Variants in MPND observed in about 807,000 individuals in gnomAD.
MPND encodes MPN domain containing.
A neutral mutation model predicts 59.2 loss-of-function variants in MPND; 56 were observed. The observed-to-expected ratio is 0.95, with a 90% CI of 0.76 to 1.18. The LOEUF (loss-of-function observed/expected upper bound fraction) is 1.18. MPND is among the 50% of genes most tolerant of loss of function. The pLI, the probability that MPND is intolerant of heterozygous loss-of-function variation, is 0.00. For synonymous variants in MPND, 323 were observed against 291.9 expected (o/e 1.11, Z -1.09); for missense variants, 671 against 676.0 (o/e 0.99, Z 0.08).
At position 4,354,374 on chromosome 19, in the gene MPND, T is replaced by C. The variant is rs2144831808; in HGVS notation, c.800T>C (p.Phe267Ser). The C allele has an allele frequency of 6.4e-7, 1 of 1,562,388 alleles. No homozygotes were observed. The highest frequency in any genetic ancestry group is 8.7e-7 in the Non-Finnish European group (1 of 1,151,906). ...ACATCCTTTGCAGCCATCAACAAGT[T>C]CCAGCCGTTCAACGTGGCTGTTTCT... is the stretch of plus-strand genomic sequence containing the variant. Reference protein sequence around the residue: ...EVTSFAAINKFQPFNVAVSSN... With the variant: ...EVTSFAAINKSQPFNVAVSSN... The change falls in exon 6 of 13, where the codon TTC becomes TCC. Residue 267 changes from phenylalanine (F) to serine (S), a missense_variant. Coordinates refer to ENST00000599840, the MANE Select transcript of MPND (RefSeq NM_001300862.2).
chr19:4,354,253 G>A (rs995000203), intron 5 of MPND, 71 bp from the exon 6 acceptor site: 4 of 1,501,194 alleles, frequency 2.7e-6, no homozygotes, highest in African/African-American at 2.8e-5. Context: ...GTGGGGTTGG[G>A]GGAGTCAGTG....
At position 4,345,908 on chromosome 19, in the gene MPND, A is replaced by G. The variant is rs1332174352; in HGVS notation, c.458A>G (p.Gln153Arg). The G allele has an allele frequency of 1.9e-6, 3 of 1,613,908 alleles. No homozygotes were observed. Among genetic ancestry groups the G allele is most frequent in the Middle Eastern group, 1.6e-4 (1 of 6,062 alleles). ...CGWASVKYKG[Q>R]KLDKYKATWL... is the part of the protein sequence containing the mutation. ...TGGGCCTCTGTCAAGTACAAAGGCC[A>G]GAAACTGGACAAGTACAAGGCCACC... is the stretch of plus-strand genomic sequence containing the variant. The change falls in exon 3 of 13, where the codon CAG becomes CGG. Residue 153 changes from glutamine to arginine, a missense_variant. Physicochemically the swap from Gln to Arg is conservative, Grantham distance 43. Coordinates refer to ENST00000599840, the MANE Select transcript of MPND (RefSeq NM_001300862.2).
rs188891878 is a variant in MPND, at chr19:4,354,016, G to A, written c.665-29G>A. ...AATTTGTTCTAACTTGGGCTGGGGA[G>A]GGACTGACCCTGCCTTTTTCTCTCC... is the stretch of plus-strand genomic sequence containing the variant. On this transcript the variant is annotated intron_variant, in intron 4 of 12. Transcript: ENST00000599840. 4 of 1,599,720 alleles carry A rather than the reference G, an allele frequency of 2.5e-6. No individual in the cohort carries two copies. The Admixed American group carries it at 5.0e-5, about 20-fold the overall frequency.
chr19:4,347,209 C>G (rs1374465419), intron 3 of MPND: 1 of 150,562 alleles, frequency 6.6e-6, no homozygotes, highest in African/African-American at 2.4e-5. Flanking sequence ...CCTGTAGTAT[C>G]AAGAGTAATG....
At chr19:4,347,626 C>T (rs1486369963) in intron 3 of MPND, among the ~76,000 whole-genome samples, 1 of 151,994 alleles carries the variant, frequency 6.6e-6, no homozygotes, top group Non-Finnish European at 1.5e-5. Flanking sequence ...AAAAGCAGAC[C>T]ACAAATGGTT....
At chr19:4,359,086 A>C in intron 11 of MPND, 77 bp from the exon 12 acceptor site, 1 of 964,162 alleles carries the variant, frequency 1.0e-6, no homozygotes, top group Non-Finnish European at 1.7e-6. Context: ...GCTGCCTGAG[A>C]CTGGAACCCC....
chr19:4,344,242 G>A (rs1972136470), intron 2 of MPND, among the ~76,000 whole-genome samples: 1 of 151,072 alleles, frequency 6.6e-6, no homozygotes, highest in African/African-American at 2.4e-5. Context: ...TGCAGGAAGA[G>A]CCCCGACATG....
intron 10 of MPND, 57 bp from the exon 11 acceptor site, chr19:4,358,026 A>T (rs1972483410): frequency 1.4e-6 from 2 of 1,439,034 alleles, no homozygotes; most frequent in South Asian, 2.4e-5. Context: ...AATTGTCCCC[A>T]GCTGCCATGG....
intron 6 of MPND, 189 bp downstream of exon 6, chr19:4,354,609 A>G (rs10406751): frequency 0.59 from 362,236 of 614,422 alleles, 108,890 homozygotes; most frequent in East Asian, 0.74. Context: ...GCTCACACCT[A>G]TAATCCCAGC....
At chr19:4,345,117 G>A (rs1404582601) in intron 2 of MPND, among the ~76,000 whole-genome samples, 9 of 140,378 alleles carry the variant, frequency 6.4e-5, no homozygotes, top group African/African-American at 2.4e-4. Context: ...GCATGATCTC[G>A]GCTCACTGCA....
intron 3 of MPND, among the ~76,000 whole-genome samples, chr19:4,352,097 C>T (rs180928318): frequency 2.2e-4 from 33 of 151,838 alleles, no homozygotes; most frequent in African/African-American, 6.3e-4. Flanking sequence ...GGCTTGAACC[C>T]GGAAGGCAGA....
At chr19:4,352,468 T>C (rs553733030) in intron 3 of MPND, among the ~76,000 whole-genome samples, 24 of 152,300 alleles carry the variant, frequency 1.6e-4, no homozygotes, top group African/African-American at 5.8e-4. Flanking sequence ...GTGGATCACC[T>C]GAGGTCGGGA....
intron 3 of MPND, among the ~76,000 whole-genome samples, chr19:4,352,544 T>G (rs1260883328): frequency 1.3e-5 from 2 of 151,564 alleles, no homozygotes. Flanking sequence ...ATTAGCTGGA[T>G]GTGGTGGTGC....
At chr19:4,350,633 G>A (rs1344398021) in intron 3 of MPND, among the ~76,000 whole-genome samples, 1 of 152,208 alleles carries the variant, frequency 6.6e-6, no homozygotes, top group Admixed American at 6.5e-5. Context: ...GAGCAAGTGG[G>A]TGGATCGAGC....
chr19:4,351,000 G>A (rs2144824675), intron 3 of MPND, among the ~76,000 whole-genome samples: 1 of 152,262 alleles, frequency 6.6e-6, no homozygotes, highest in South Asian at 2.1e-4. Flanking sequence ...AGGCTGTGCT[G>A]GGTCAGATGC....
chr19:4,354,668 C>G (rs1972395127), intron 6 of MPND: 2 of 593,608 alleles, frequency 3.4e-6, no homozygotes, highest in Admixed American at 6.0e-5. Context: ...GAGTTCGAGA[C>G]AAGCCTGGGT....
At chr19:4,349,728 C>T (rs1030863464) in intron 3 of MPND, among the ~76,000 whole-genome samples, 3 of 152,180 alleles carry the variant, frequency 2.0e-5, no homozygotes, top group Non-Finnish European at 2.9e-5. Flanking sequence ...CCAGGCTAGT[C>T]TTGAACTCCT....
At position 4,350,533 on chromosome 19, in the gene MPND, G is replaced by A. The variant is rs372988573; in HGVS notation, c.532-2364G>A. Among the ~76,000 whole-genome samples, 4 of 152,320 alleles carry A rather than the reference G, an allele frequency of 2.6e-5. No homozygotes were observed. The East Asian group carries it at 7.7e-4, about 29-fold the overall frequency. On this transcript the variant is annotated intron_variant, in intron 3 of 12. Transcript: ENST00000599840. ...GAGGGATGATGGAGTGGCCCAGGCCGACCATGGAGCAGGGAAGAAGTGGGC... is the reference window on the plus strand; with the variant it reads ...GAGGGATGATGGAGTGGCCCAGGCCAACCATGGAGCAGGGAAGAAGTGGGC...
At chr19:4,350,479 A>G (rs1972292454) in intron 3 of MPND, among the ~76,000 whole-genome samples, 1 of 152,148 alleles carries the variant, frequency 6.6e-6, no homozygotes, top group African/African-American at 2.4e-5. Flanking sequence ...TCCAGGGACC[A>G]GGGCAGAGGT....
Sources: allele counts gnomAD v4.1 joint callset (sites outside exome capture counted in the v4.1 genomes callset), GRCh38; gene constraint gnomAD v4.1.1; transcripts MANE v1.5; gene names NCBI Gene and HGNC (gene_info 2026-07-23, HGNC 2026-07-21).